TENT5A: variants seen among roughly 807,000 people sequenced by gnomAD.
TENT5A encodes terminal nucleotidyltransferase 5A.
Under a neutral mutation model 30.2 loss-of-function variants are expected in TENT5A, and 9 were observed. That is an observed-to-expected ratio of 0.30 (90% confidence interval 0.18 to 0.52). The LOEUF is 0.52. Ranked by LOEUF, TENT5A falls within the 20% of genes least tolerant of loss-of-function variation. The pLI is 0.97. For missense variants in TENT5A, 411 were observed against 566.1 expected, an observed-to-expected ratio of 0.73 and a Z score of 2.78; for synonymous variants, 264 against 234.2, an observed-to-expected ratio of 1.13 and a Z score of -1.16.
Position 81,748,621 on chromosome 6 carries a change from A to G in TENT5A, c.*1074T>C. On this transcript the variant is annotated 3_prime_UTR_variant, in exon 3 of 3. Coordinates refer to ENST00000320172, the MANE Select transcript of TENT5A (RefSeq NM_017633.3). ...CATAGTCAATCTACTGTGTATATAT[A>G]CATATAAAATGTATATATAAAATGT... 2.1e-6 allele frequency: 2 copies of G among 933,234 alleles called. No homozygotes were observed. Among genetic ancestry groups the G allele is most frequent in the African/African-American group, 1.8e-5 (1 of 56,266 alleles). The allele number at this position is 933,234 out of a possible 1,614,324, so 57.8% of individuals were successfully genotyped here.
chr6:81,746,726 ACAAAT>A lies in TENT5A; in HGVS notation c.*2964_*2968del. ...CTAGGCCAGATAAACACAAAAGGAA[ACAAAT>A]CACAGGCGCTAATAGGGAGTCGGGA... On this transcript the variant is annotated 3_prime_UTR_variant, in exon 3 of 3. Transcript: ENST00000320172. 4 of 1,225,858 alleles carry A rather than the reference ACAAAT, an allele frequency of 3.3e-6. No homozygotes were observed. The highest frequency in any genetic ancestry group is 4.1e-6 in the Non-Finnish European group (4 of 984,432). The allele number at this position is 1,225,858 out of a possible 1,614,324, so 75.9% of individuals were successfully genotyped here. A position where few individuals can be genotyped will look rare whatever the true frequency, so the allele number is the denominator to read the frequency against.
rs1768888490 is a variant in TENT5A, at chr6:81,746,529, G to GA, written c.*3165dup. On this transcript the variant is annotated 3_prime_UTR_variant, in exon 3 of 3. Transcript: ENST00000320172. ...GATACTTGATCCCATTTCTGGAAAG[G>GA]AAATGTCCATCTTGGTGTAGGAGTT... The GA allele has an allele frequency of 7.3e-6, 9 of 1,232,068 alleles. No individual in the cohort carries two copies. Among genetic ancestry groups the GA allele is most frequent in the Non-Finnish European group, 8.1e-6 (8 of 987,920 alleles). The allele number at this position is 1,232,068 out of a possible 1,614,324, so 76.3% of individuals were successfully genotyped here.
In TENT5A at chr6:81,745,983, C is replaced by A. The variant is rs1768877118; in HGVS notation, c.*3712G>T. ...GTAGAGAGGTTGGAGGGAGAGACAG[C>A]CAGCAGGCAGAGCCTCCTCCGTTCT... On this transcript the variant is annotated 3_prime_UTR_variant, in exon 3 of 3. Coordinates refer to ENST00000320172, the MANE Select transcript of TENT5A (RefSeq NM_017633.3). The A allele has an allele frequency of 1.0e-6, 1 of 985,832 alleles. No homozygotes were observed. Among genetic ancestry groups the A allele is most frequent in the Non-Finnish European group, 1.2e-6 (1 of 829,918 alleles). 61.1% of individuals were successfully genotyped at this position (985,832 alleles called of 1,614,324 possible).
chr6:81,751,837 T>A lies in TENT5A; in HGVS notation c.305A>T (p.Lys102Met). 1 of 1,613,032 alleles carries A rather than the reference T, an allele frequency of 6.2e-7. No homozygotes were observed. Among genetic ancestry groups the A allele is most frequent in the Non-Finnish European group, 8.5e-7 (1 of 1,179,874 alleles). Residue 102 changes from lysine to methionine, a missense_variant, in exon 2 of 3, where the codon AAG becomes ATG. Lys to Met is a moderately conservative substitution (Grantham distance 95, BLOSUM62 -1). Around this residue, in one of 5 missense-constraint regions of TENT5A, gnomAD observed 157 missense variants for 183.2 expected, o/e 0.86. Coordinates refer to ENST00000320172, the MANE Select transcript of TENT5A (RefSeq NM_017633.3). ...CTCGGCCAGGCGCCGCCGCACCACC[T>A]TCACGATCAGGCTCGGCTGCAGCTC... ...TLELQPSLIV[K>M]VVRRRLAEKR...
At position 81,750,418 on chromosome 6, in the gene TENT5A, A is replaced by G; in HGVS notation, c.606T>C (p.Ser202=). 1 of 1,605,172 alleles carries G rather than the reference A, an allele frequency of 6.2e-7. No homozygotes were observed. The highest frequency in any genetic ancestry group is 8.5e-7 in the Non-Finnish European group (1 of 1,176,534). ...VKVCNDSDRW[S]LISLSNNSGK... ...CACTGTTGTTTGACAGGGATATAAG[A>G]CTCCATCGGTCAGAGTCATTGCACA... The change falls in exon 3 of 3, where the codon AGT becomes AGC. Residue 202 remains serine, a synonymous_variant. Transcript: ENST00000320172. This position sits in a 1 kb window ranked among gnomAD's most constrained non-coding sequence, Gnocchi z 4.2.
In TENT5A at chr6:81,748,987, C is replaced by T. The variant is rs990336850; in HGVS notation, c.*708G>A. ...AATCTTTGGTCCTTGAGCACACTTT[C>T]TTTGTTACAGCTGTTTTTGCTTGCA... On this transcript the variant is annotated 3_prime_UTR_variant, in exon 3 of 3. Transcript: ENST00000320172. 5.1e-6 allele frequency: 5 copies of T among 985,662 alleles called. No individual in the cohort carries two copies. The highest frequency in any genetic ancestry group is 1.2e-4 in the Admixed American group (2 of 16,268). The allele number at this position is 985,662 out of a possible 1,614,324, so 61.1% of individuals were successfully genotyped here.
Position 81,752,487 on chromosome 6 carries a change from G to A in TENT5A, c.-94C>T. 4 of 1,530,952 alleles carry A rather than the reference G, an allele frequency of 2.6e-6. No individual in the cohort carries two copies. The highest frequency in any genetic ancestry group is 3.5e-6 in the Non-Finnish European group (4 of 1,129,572). The allele number at this position is 1,530,952 out of a possible 1,614,324, so 94.8% of individuals were successfully genotyped here. A position where few individuals can be genotyped will look rare whatever the true frequency, so the allele number is the denominator to read the frequency against. On this transcript the variant is annotated 5_prime_UTR_variant, in exon 1 of 3. Transcript: ENST00000320172. ...CGAGCGAGAGCGAAACCGAGAGGCG[G>A]CAACACTTCCAGGAGCTGCGAGCGC...
chr6:81,747,058 T>C lies in TENT5A; in HGVS notation c.*2637A>G. ...ATTTAAGAAAATAAATCAAAGTGTA[T>C]TTCAAATAAGGCTCTTCCAAACAAA... On this transcript the variant is annotated 3_prime_UTR_variant, in exon 3 of 3. Transcript: ENST00000320172. 1.0e-6 allele frequency: 1 copy of C among 983,466 alleles called. No individual in the cohort carries two copies. The highest frequency in any genetic ancestry group is 1.2e-6 in the Non-Finnish European group (1 of 828,182). 60.9% of individuals were successfully genotyped at this position (983,466 alleles called of 1,614,324 possible). A position where few individuals can be genotyped will look rare whatever the true frequency, so the allele number is the denominator to read the frequency against.
chr6:81,751,417 C>T (rs769751143), intron 2 of TENT5A, among the ~76,000 whole-genome samples, 173 bp downstream of exon 2: 1 of 152,160 alleles, frequency 6.6e-6, no homozygotes, highest in African/African-American at 2.4e-5. Flanking sequence ...CACTCAACAC[C>T]GTCCACGCAC....
chr6:81,749,850 G>T lies in TENT5A; in HGVS notation c.1174C>A (p.Gln392Lys). 1 of 1,613,994 alleles carries T rather than the reference G, an allele frequency of 6.2e-7. No individual in the cohort carries two copies. Among genetic ancestry groups the T allele is most frequent in the Non-Finnish European group, 8.5e-7 (1 of 1,180,000 alleles). ...TMLAIRVLAD[Q>K]NVIPNVANVT... ...TTAGCCACATTAGGAATGACATTTT[G>T]GTCAGCTAACACCCGGATAGCCAGC... Residue 392 changes from glutamine (Q) to lysine (K), a missense_variant, in exon 3 of 3, where the codon CAA (glutamine) becomes AAA (lysine). By Grantham distance (53) the Gln-to-Lys change is moderately conservative. Coordinates refer to ENST00000320172, the MANE Select transcript of TENT5A (RefSeq NM_017633.3).
rs775175162 is a variant in TENT5A, at chr6:81,750,694, T to G, written c.553-223A>C. Among the ~76,000 whole-genome samples the G allele has an allele frequency of 6.6e-6, 1 of 152,260 alleles. No homozygotes were observed. Among genetic ancestry groups the G allele is most frequent in the African/African-American group, 2.4e-5 (1 of 41,476 alleles). ...TGGGAAAGGGACTAGAGGTAATAGT[T>G]TGAGGCTTTTGGCAGACGTAGCACA... On this transcript the variant is annotated intron_variant, in intron 2 of 2. Transcript: ENST00000320172. The surrounding 1 kb of genome is among the most constrained non-coding windows in gnomAD (Gnocchi z 4.2).
rs1768995084 is a variant in TENT5A at position 81,749,837 on chromosome 6, G to C, written c.1187C>G (p.Pro396Arg). Residue 396 changes from proline to arginine, a missense_variant, in exon 3 of 3, where the codon CCT becomes CGT. Physicochemically the swap from Pro to Arg is moderately radical, Grantham distance 103. Coordinates refer to ENST00000320172, the MANE Select transcript of TENT5A (RefSeq NM_017633.3). ...IRVLADQNVI[P>R]NVANVTCYYQ... ...ATAGCAAGTGACATTAGCCACATTA[G>C]GAATGACATTTTGGTCAGCTAACAC... is the stretch of plus-strand genomic sequence containing the variant. 1.2e-6 allele frequency: 2 copies of C among 1,614,130 alleles called. No individual in the cohort carries two copies. Among genetic ancestry groups the C allele is most frequent in the Admixed American group, 1.7e-5 (1 of 60,014 alleles).
At position 81,749,541 on chromosome 6, in the gene TENT5A, A is replaced by T; in HGVS notation, c.*154T>A. On this transcript the variant is annotated 3_prime_UTR_variant, in exon 3 of 3. Transcript: ENST00000320172. The stretch of plus-strand genomic sequence containing the variant: ...TGCTCCCACATCTATTAAAAGATAC[A>T]TAAGCTTTGCCAAACTTAAAACCAG... 1 of 1,402,352 alleles carries T rather than the reference A, an allele frequency of 7.1e-7. No homozygotes were observed. Among genetic ancestry groups the T allele is most frequent in the Non-Finnish European group, 9.2e-7 (1 of 1,082,936 alleles). The allele number at this position is 1,402,352 out of a possible 1,614,324, so 86.9% of individuals were successfully genotyped here.
In TENT5A at chr6:81,751,795, C is replaced by T. The variant is rs1769040244; in HGVS notation, c.347G>A (p.Arg116His). ...RRLAEKRIGV[R>H]DVRLNGSAAS... Reference sequence around the variant, plus strand: ...TGCCGAGCCGTTGAGGCGCACGTCGCGGACGCCAATGCGCTTCTCGGCCAG... The same window carrying T: ...TGCCGAGCCGTTGAGGCGCACGTCGTGGACGCCAATGCGCTTCTCGGCCAG... The change falls in exon 2 of 3, where the codon CGC becomes CAC. Residue 116 changes from arginine to histidine, a missense_variant. Physicochemically the swap from Arg to His is conservative, Grantham distance 29 (BLOSUM62 0). Transcript: ENST00000320172. 1.2e-6 allele frequency: 2 copies of T among 1,612,874 alleles called. No homozygotes were observed. The highest frequency in any genetic ancestry group is 1.7e-6 in the Non-Finnish European group (2 of 1,179,804).
rs1768920021 is a variant in TENT5A at position 81,747,998 on chromosome 6, G to C, written c.*1697C>G. ...ATATTTAAATGCAGTGTGACAACCA[G>C]ATCAAAGATGTTTCATATTGACATG... is the stretch of plus-strand genomic sequence containing the variant. On this transcript the variant is annotated 3_prime_UTR_variant, in exon 3 of 3. Coordinates refer to ENST00000320172, the MANE Select transcript of TENT5A (RefSeq NM_017633.3). The C allele has an allele frequency of 1.0e-6, 1 of 982,366 alleles. No individual in the cohort carries two copies. The allele number at this position is 982,366 out of a possible 1,614,324, so 60.9% of individuals were successfully genotyped here. A position where few individuals can be genotyped will look rare whatever the true frequency, so the allele number is the denominator to read the frequency against.
At position 81,748,954 on chromosome 6, in the gene TENT5A, ATC is replaced by A; in HGVS notation, c.*739_*740del. ...ATATCTCTTCTAATTGGGTATTTTT[ATC>A]TGTTAAATCTTTGGTCCTTGAGCAC... On this transcript the variant is annotated 3_prime_UTR_variant, in exon 3 of 3. Coordinates refer to ENST00000320172, the MANE Select transcript of TENT5A (RefSeq NM_017633.3). 2.0e-6 allele frequency: 2 copies of A among 985,618 alleles called. No individual in the cohort carries two copies. Among genetic ancestry groups the A allele is most frequent in the Non-Finnish European group, 2.4e-6 (2 of 829,722 alleles). The allele number at this position is 985,618 out of a possible 1,614,324, so 61.1% of individuals were successfully genotyped here.
rs111256760 is a variant in TENT5A at position 81,752,356 on chromosome 6, C to A, written c.-38+75G>T. The A allele has an allele frequency of 2.8e-5, 43 of 1,549,618 alleles. 1 individual carries two copies. The African/African-American group carries it at 4.4e-4, about 16-fold the overall frequency. On this transcript the variant is annotated intron_variant, in intron 1 of 2. Coordinates refer to ENST00000320172, the MANE Select transcript of TENT5A (RefSeq NM_017633.3). ...TACAGTCCCCAGCCGCGCACCGCGC[C>A]CCGCAGAGCAGCCCCGCACCAAAAG...
chr6:81,750,273 T>C lies in TENT5A; in HGVS notation c.751A>G (p.Met251Val). Reference protein sequence around the residue: ...LLFYECSENPMTETFHPTIIG... With the variant: ...LLFYECSENPVTETFHPTIIG... ...ATTGTGGGGTGAAATGTCTCAGTCA[T>C]TGGGTTCTCTGAACATTCATAAAAG... Residue 251 changes from methionine to valine, a missense_variant, in exon 3 of 3, where the codon ATG becomes GTG. By Grantham distance (21) the Met-to-Val change is conservative. This residue lies in a region of TENT5A where 135 missense variants were observed against 240.0 expected (regional missense o/e 0.56). Transcript: ENST00000320172. The surrounding 1 kb of genome is among the most constrained non-coding windows in gnomAD (Gnocchi z 4.2). 3 of 1,614,138 alleles carry C rather than the reference T, an allele frequency of 1.9e-6. No individual in the cohort carries two copies. Among genetic ancestry groups the C allele is most frequent in the East Asian group, 2.2e-5 (1 of 44,872 alleles).
Position 81,746,831 on chromosome 6 carries a change from A to G in TENT5A, c.*2864T>C. 2 of 1,162,016 alleles carry G rather than the reference A, an allele frequency of 1.7e-6. No homozygotes were observed. Among genetic ancestry groups the G allele is most frequent in the Non-Finnish European group, 2.1e-6 (2 of 944,388 alleles). The allele number at this position is 1,162,016 out of a possible 1,614,324, so 72.0% of individuals were successfully genotyped here. A position where few individuals can be genotyped will look rare whatever the true frequency, so the allele number is the denominator to read the frequency against. On this transcript the variant is annotated 3_prime_UTR_variant, in exon 3 of 3. Coordinates refer to ENST00000320172, the MANE Select transcript of TENT5A (RefSeq NM_017633.3). ...CAAATTTTTAGGCCGCACATCCACA[A>G]AGAGAGACATATATTTCACTGTGTG... is the stretch of plus-strand genomic sequence containing the variant.
Sources: gnomAD v4.1 joint callset for allele counts (sites outside exome capture counted in the v4.1 genomes callset) on GRCh38, gnomAD v4.1.1 for gene constraint, gnomAD v4.1.1 regional missense constraint, Gnocchi (gnomAD v3.1) non-coding constraint, MANE v1.5 for transcripts, NCBI Gene and HGNC (gene_info 2026-07-23, HGNC 2026-07-21) for gene names.